Variants in NCAM2 observed in about 807,000 individuals in gnomAD.
NCAM2 encodes neural cell adhesion molecule 2.
In NCAM2, 30 loss-of-function variants were observed where a neutral mutation model predicts 98.1. The ratio of observed to expected loss-of-function variants is 0.31; its 90% confidence interval spans 0.23 to 0.41. The LOEUF is 0.41. NCAM2 is among the 10% of genes least tolerant of loss of function. The probability of loss-of-function intolerance (pLI) is 1.00; values close to 1 mark genes in which losing one functional copy is unlikely to be tolerated. For missense variants in NCAM2, 867 were observed against 1,005.8 expected, an observed-to-expected ratio of 0.86 and a Z score of 1.87; for synonymous variants, 368 against 342.4, an observed-to-expected ratio of 1.07 and a Z score of -0.83.
At chr21:21,055,990 C>G (rs2065202190) in intron 1 of NCAM2, among the ~76,000 whole-genome samples, 1 of 152,048 alleles carries the variant, frequency 6.6e-6, no homozygotes, top group African/African-American at 2.4e-5. Context: ...GTACACTCTT[C>G]TTAAGGTACC....
intron 1 of NCAM2, among the ~76,000 whole-genome samples, chr21:21,034,430 A>G (rs552166439): frequency 6.6e-6 from 1 of 152,202 alleles, no homozygotes; most frequent in South Asian, 2.1e-4. Flanking sequence ...TGAATCAGGT[A>G]TTCCAGTGAA....
At chr21:21,203,538 G>T (rs975167406) in intron 1 of NCAM2, among the ~76,000 whole-genome samples, 23 of 152,102 alleles carry the variant, frequency 1.5e-4, no homozygotes, top group African/African-American at 5.6e-4. Flanking sequence ...TTATACAATT[G>T]TCCAGTAGTC....
chr21:21,302,003 C>T (rs2073729517), intron 5 of NCAM2, among the ~76,000 whole-genome samples: 1 of 143,122 alleles, frequency 7.0e-6, no homozygotes, highest in African/African-American at 2.6e-5. Flanking sequence ...AACACTTTTA[C>T]ACTGTTGGTG....
intron 5 of NCAM2, among the ~76,000 whole-genome samples, chr21:21,307,599 T>C (rs567771330): frequency 6.3e-4 from 96 of 152,182 alleles, no homozygotes; most frequent in African/African-American, 2.2e-3. Flanking sequence ...CTTCCTAATG[T>C]CATTCAGGTT....
intron 14 of NCAM2, among the ~76,000 whole-genome samples, chr21:21,476,786 T>A (rs1985225098): frequency 6.6e-6 from 1 of 152,024 alleles, no homozygotes; most frequent in South Asian, 2.1e-4. Context: ...TAAAACATCA[T>A]AGTAGTAAAA....
intron 12 of NCAM2, among the ~76,000 whole-genome samples, chr21:21,434,595 C>A (rs1356487557): frequency 6.6e-6 from 1 of 152,044 alleles, no homozygotes; most frequent in African/African-American, 2.4e-5. Flanking sequence ...ACATTAAGCT[C>A]TTCTTTTTGA....
intron 1 of NCAM2, among the ~76,000 whole-genome samples, chr21:21,277,910 G>C (rs2072785874): frequency 1.3e-5 from 2 of 152,054 alleles, no homozygotes; most frequent in Non-Finnish European, 2.9e-5. Context: ...AGTTTATATT[G>C]GCAATGTTTG....
At chr21:21,513,275 A>G (rs895262408) in intron 16 of NCAM2, among the ~76,000 whole-genome samples, 2 of 151,980 alleles carry the variant, frequency 1.3e-5, no homozygotes, top group Admixed American at 1.3e-4. Flanking sequence ...GTTCTTTAAG[A>G]TGCATTGTAA....
intron 1 of NCAM2, among the ~76,000 whole-genome samples, chr21:21,248,201 TGACTTGTTTGTA>T (rs1254671413): frequency 3.9e-5 from 6 of 152,294 alleles, no homozygotes; most frequent in Non-Finnish European, 8.8e-5. Flanking sequence ...AAAGTCCAAT[TGACTTGTTTGTA>T]TGCTTAATTC....
chr21:21,124,031 A>G (rs2066735196), intron 1 of NCAM2, among the ~76,000 whole-genome samples: 1 of 151,644 alleles, frequency 6.6e-6, no homozygotes, highest in Non-Finnish European at 1.5e-5. Flanking sequence ...TATTTTTAGT[A>G]GAGACGGGGT....
At chr21:21,460,703 C>A (rs559454907) in intron 12 of NCAM2, among the ~76,000 whole-genome samples, 1 of 151,784 alleles carries the variant, frequency 6.6e-6, no homozygotes, top group South Asian at 2.1e-4. Context: ...GGGCTGAGGA[C>A]AGTATTTATG....
chr21:21,272,047 A>C (rs1236628094), intron 1 of NCAM2, among the ~76,000 whole-genome samples: 1 of 152,180 alleles, frequency 6.6e-6, no homozygotes, highest in Non-Finnish European at 1.5e-5. Flanking sequence ...GTATAATTTA[A>C]AAAACAAAGA....
intron 1 of NCAM2, among the ~76,000 whole-genome samples, chr21:21,141,480 G>A (rs1018507988): frequency 6.6e-6 from 1 of 152,108 alleles, no homozygotes; most frequent in Admixed American, 6.6e-5. Flanking sequence ...TACCAGAAAG[G>A]CAGAATAAAT....
At chr21:21,318,604 T>C (rs539966720) in intron 5 of NCAM2, among the ~76,000 whole-genome samples, 3 of 152,308 alleles carry the variant, frequency 2.0e-5, no homozygotes, top group East Asian at 3.9e-4. Context: ...GTATAGAAAA[T>C]TGTATAATGT....
At position 21,115,381 on chromosome 21, in the gene NCAM2, A is replaced by C. The variant is rs114966600; in HGVS notation, c.55+116763A>C. On this transcript the variant is annotated intron_variant, in intron 1 of 17. Coordinates refer to ENST00000400546, the MANE Select transcript of NCAM2 (RefSeq NM_004540.5). Reference sequence around the variant, plus strand: ...CATAAAATAGAGTTTCAAAGTAAAAAATTCTACCAGAATTAGTTAAGTTAA... The same window carrying C: ...CATAAAATAGAGTTTCAAAGTAAAACATTCTACCAGAATTAGTTAAGTTAA... Among the ~76,000 whole-genome samples, 1,429 of 152,252 alleles carry C rather than the reference A, an allele frequency of 9.4e-3. 29 individuals are homozygous for C. Among genetic ancestry groups the C allele is most frequent in the African/African-American group, 0.032 (1,320 of 41,540 alleles).
chr21:21,335,549 G>A lies in NCAM2; in HGVS notation c.782G>A (p.Gly261Glu). The change falls in exon 7 of 18, where the codon GGG becomes GAG. Residue 261 changes from glycine to glutamate, a missense_variant. By Grantham distance (98) the Gly-to-Glu change is moderately conservative. Transcript: ENST00000400546. Reference sequence around the variant, plus strand: ...GAAAATGAGAAGTACATATTGAAAGGGAGCAATACAGAACTCACTGTCAGG... The same window carrying A: ...GAAAATGAGAAGTACATATTGAAAGAGAGCAATACAGAACTCACTGTCAGG... ...IEENEKYILK[G>E]SNTELTVRNI... The A allele has an allele frequency of 6.2e-7, 1 of 1,607,600 alleles. No individual in the cohort carries two copies. Among genetic ancestry groups the A allele is most frequent in the South Asian group, 1.1e-5 (1 of 90,174 alleles).
chr21:21,267,629 G>A (rs1218855342), intron 1 of NCAM2, among the ~76,000 whole-genome samples: 3 of 152,086 alleles, frequency 2.0e-5, no homozygotes, highest in Admixed American at 2.0e-4. Flanking sequence ...ACTCAGAGGT[G>A]TACAAATATG....
At chr21:21,342,451 T>A (rs2075068205) in intron 8 of NCAM2, among the ~76,000 whole-genome samples, 1 of 152,204 alleles carries the variant, frequency 6.6e-6, no homozygotes, top group Non-Finnish European at 1.5e-5. Flanking sequence ...GAATTCAGTC[T>A]TGACTGTGGG....
chr21:21,161,918 T>G (rs1316973278), intron 1 of NCAM2, among the ~76,000 whole-genome samples: 1 of 152,080 alleles, frequency 6.6e-6, no homozygotes, highest in Non-Finnish European at 1.5e-5. Flanking sequence ...TAGGTAATTT[T>G]GGAATAATTT....
Sources: gnomAD v4.1 joint callset for allele counts (sites outside exome capture counted in the v4.1 genomes callset) on GRCh38, gnomAD v4.1.1 for gene constraint, MANE v1.5 for transcripts, NCBI Gene and HGNC (gene_info 2026-07-23, HGNC 2026-07-21) for gene names.